The following NLGN1 variants were observed in gnomAD, a reference collection of about 807,000 sequenced individuals.
NLGN1 encodes the protein neuroligin 1.
NLGN1 carries 12 observed loss-of-function variants against 65.5 expected under a neutral mutation model. The observed-to-expected ratio is 0.18, with a 90% CI of 0.12 to 0.30. NLGN1 has a LOEUF of 0.30. NLGN1 is among the 10% of genes least tolerant of loss of function. The probability of loss-of-function intolerance (pLI) is 1.00; values close to 1 mark genes in which losing one functional copy is unlikely to be tolerated. For synonymous variants in NLGN1, 350 were observed against 359.5 expected (o/e 0.97, Z 0.30); for missense variants, 750 against 1,007.1 (o/e 0.74, Z 3.46).
chr3:173,590,226 G>C (rs1049724967), intron 2 of NLGN1, among the ~76,000 whole-genome samples: 1 of 152,132 alleles, frequency 6.6e-6, no homozygotes, highest in African/African-American at 2.4e-5. Flanking sequence ...CAGTGCATCT[G>C]TCATTTCTAA....
intron 3 of NLGN1, among the ~76,000 whole-genome samples, chr3:173,675,555 A>G (rs1294949287): frequency 6.6e-6 from 1 of 152,132 alleles, no homozygotes; most frequent in Non-Finnish European, 1.5e-5. Flanking sequence ...AAGAGATAGC[A>G]CTTCACTCAA....
intron 4 of NLGN1, among the ~76,000 whole-genome samples, chr3:173,978,056 T>C (rs1371846378): frequency 6.6e-6 from 1 of 152,032 alleles, no homozygotes; most frequent in Non-Finnish European, 1.5e-5. Context: ...AGAGAAAATA[T>C]CAATGATGTC....
intron 3 of NLGN1, among the ~76,000 whole-genome samples, chr3:173,678,834 G>T (rs968854081): frequency 4.6e-5 from 7 of 152,076 alleles, no homozygotes; most frequent in Non-Finnish European, 8.8e-5. Context: ...AACATTGAGA[G>T]CTTCCACTAA....
intron 4 of NLGN1, among the ~76,000 whole-genome samples, chr3:174,008,083 G>A (rs909665263): frequency 5.9e-5 from 9 of 151,988 alleles, no homozygotes; most frequent in Non-Finnish European, 1.5e-5. Context: ...ATTAGCTTTT[G>A]CTGGCTTATG....
chr3:174,115,225 C>G (rs77946028), intron 4 of NLGN1, among the ~76,000 whole-genome samples: 1,601 of 152,260 alleles, frequency 0.011, 20 homozygotes, highest in Non-Finnish European at 0.017. Flanking sequence ...CTGGTTATCC[C>G]TATGACTTTG....
At position 173,512,350 on chromosome 3, in the gene NLGN1, G is replaced by A. The variant is rs539812982; in HGVS notation, c.-321+77272G>A. Among the ~76,000 whole-genome samples the A allele has an allele frequency of 7.2e-5, 11 of 152,306 alleles. No individual in the cohort carries two copies. In the East Asian group the frequency reaches 2.1e-3, roughly 29 times the overall value. On this transcript the variant is annotated intron_variant, in intron 2 of 6. Transcript: ENST00000457714. ...GATGGTGAATGTGGAGAATTTTGTT[G>A]AGTGATGAAAGTGGCTCTCAGTAGA... is the stretch of plus-strand genomic sequence containing the variant.
chr3:174,255,159 CAGA>C (rs1247449475), intron 4 of NLGN1, among the ~76,000 whole-genome samples: 1 of 152,064 alleles, frequency 6.6e-6, no homozygotes, highest in African/African-American at 2.4e-5. Context: ...ACCTTAGAGA[CAGA>C]AGGAGTTGAC....
At chr3:174,053,681 T>C (rs539967488) in intron 4 of NLGN1, among the ~76,000 whole-genome samples, 1 of 152,016 alleles carries the variant, frequency 6.6e-6, no homozygotes, top group Admixed American at 6.6e-5. Flanking sequence ...CTGCTTTCTT[T>C]CTTACTCGAG....
intron 4 of NLGN1, among the ~76,000 whole-genome samples, chr3:173,906,714 T>C (rs1738462606): frequency 1.3e-5 from 2 of 151,820 alleles, no homozygotes; most frequent in Non-Finnish European, 2.9e-5. Flanking sequence ...TAGCCAGGCA[T>C]AGTAGGTGCA....
At position 174,255,637 on chromosome 3, in the gene NLGN1, CTATTTATT is replaced by C. The variant is rs140772917; in HGVS notation, c.647-19648_647-19641del. On this transcript the variant is annotated intron_variant, in intron 4 of 6. Transcript: ENST00000457714. ...TCTTTTTCTCTTTCTTTCTTTTCTT[CTATTTATT>C]TATTTATTTATTTATTTATTTATTT... Among the ~76,000 whole-genome samples, 71 of 141,936 alleles carry C rather than the reference CTATTTATT, an allele frequency of 5.0e-4. No individual in the cohort carries two copies. The South Asian group carries it at 6.7e-3, about 13-fold the overall frequency. 93.1% of individuals were successfully genotyped at this position (141,936 alleles called of 152,430 possible). A position where few individuals can be genotyped will look rare whatever the true frequency, so the allele number is the denominator to read the frequency against.
rs958776167 is a variant in NLGN1 at position 174,041,546 on chromosome 3, G to A, written c.646+233714G>A. On this transcript the variant is annotated intron_variant, in intron 4 of 6. Transcript: ENST00000457714. Reference sequence around the variant, plus strand: ...GATATTTCTCAAAAGTGACAGTATCGTTTTGCATTTTTACAAAATTAGATG... The same window carrying A: ...GATATTTCTCAAAAGTGACAGTATCATTTTGCATTTTTACAAAATTAGATG... 5.9e-5 allele frequency among the ~76,000 whole-genome samples: 9 copies of A among 152,034 alleles called. No homozygotes were observed. The South Asian group carries it at 8.3e-4, about 14-fold the overall frequency.
At chr3:174,103,044 C>T (rs1429105240) in intron 4 of NLGN1, among the ~76,000 whole-genome samples, 1 of 152,108 alleles carries the variant, frequency 6.6e-6, no homozygotes, top group Non-Finnish European at 1.5e-5. Flanking sequence ...TCTCATATGG[C>T]AACTGTAAAA....
At chr3:173,967,374 C>G (rs1460232221) in intron 4 of NLGN1, among the ~76,000 whole-genome samples, 1 of 152,092 alleles carries the variant, frequency 6.6e-6, no homozygotes, top group Non-Finnish European at 1.5e-5. Context: ...AATAAGGTAG[C>G]TGTATAGAGA....
intron 3 of NLGN1, among the ~76,000 whole-genome samples, chr3:173,749,670 C>CAA (rs201665654): frequency 6.8e-6 from 1 of 147,362 alleles, no homozygotes; most frequent in Non-Finnish European, 1.5e-5. Context: ...TGCTTCTAAC[C>CAA]AAAAAAAAAA....
intron 4 of NLGN1, among the ~76,000 whole-genome samples, chr3:174,137,829 A>G (rs1041873448): frequency 6.6e-6 from 1 of 152,212 alleles, no homozygotes; most frequent in Non-Finnish European, 1.5e-5. Flanking sequence ...AAGGGGCATT[A>G]CTATCTATTC....
At chr3:173,580,365 G>T (rs1746200106) in intron 2 of NLGN1, among the ~76,000 whole-genome samples, 2 of 151,924 alleles carry the variant, frequency 1.3e-5, no homozygotes, top group African/African-American at 4.8e-5. Flanking sequence ...TAGTGCTCAG[G>T]TTTACCAATC....
intron 3 of NLGN1, among the ~76,000 whole-genome samples, chr3:173,647,137 G>T (rs1758393801): frequency 6.6e-6 from 1 of 152,042 alleles, no homozygotes; most frequent in Non-Finnish European, 1.5e-5. Context: ...CCATCAAGAA[G>T]ACATAACAAG....
intron 4 of NLGN1, among the ~76,000 whole-genome samples, chr3:174,192,324 A>G (rs746718204): frequency 1.3e-5 from 2 of 152,190 alleles, no homozygotes; most frequent in Non-Finnish European, 2.9e-5. Flanking sequence ...TTAATCAAGT[A>G]ACCAGGATTT....
At chr3:173,676,505 T>C (rs1237577882) in intron 3 of NLGN1, among the ~76,000 whole-genome samples, 2 of 152,118 alleles carry the variant, frequency 1.3e-5, no homozygotes, top group Admixed American at 6.6e-5. Context: ...TAATATAAAG[T>C]TTTTGTTTGT....
Sources: gnomAD v4.1 joint callset for allele counts (sites outside exome capture counted in the v4.1 genomes callset) on GRCh38, gnomAD v4.1.1 for gene constraint, MANE v1.5 for transcripts, NCBI Gene and HGNC (gene_info 2026-07-23, HGNC 2026-07-21) for gene names.